The following RIMS4 variants were observed in gnomAD, a reference collection of about 807,000 sequenced individuals.
The protein encoded by RIMS4 is regulating synaptic membrane exocytosis 4.
Under a neutral mutation model 29.0 loss-of-function variants are expected in RIMS4, and 9 were observed. The ratio of observed to expected loss-of-function variants is 0.31; its 90% CI spans 0.19 to 0.54. The LOEUF (loss-of-function observed/expected upper bound fraction) is 0.54, where lower values mean the gene tolerates loss of function less well. Among genes scored for constraint, RIMS4 ranks in the 20% least tolerant of loss-of-function variants. RIMS4 has a pLI of 0.94. For synonymous variants in RIMS4, 130 were observed against 152.9 expected, an observed-to-expected ratio of 0.85 and a Z score of 1.10; for missense variants, 193 against 365.7, an observed-to-expected ratio of 0.53 and a Z score of 3.85.
chr20:44,800,009 A>T (rs1228692328), intron 1 of RIMS4, among the ~76,000 whole-genome samples: 1 of 152,202 alleles, frequency 6.6e-6, no homozygotes, highest in Non-Finnish European at 1.5e-5. Flanking sequence ...TTTTGCGATG[A>T]GGAAACAGGC....
At chr20:44,791,776 G>C (rs1381092765) in intron 1 of RIMS4, among the ~76,000 whole-genome samples, 1 of 152,038 alleles carries the variant, frequency 6.6e-6, no homozygotes, top group African/African-American at 2.4e-5. Flanking sequence ...TGGTGGTAAG[G>C]GGTGGATGTT....
chr20:44,795,105 C>A (rs551501544), intron 1 of RIMS4, among the ~76,000 whole-genome samples: 1 of 152,208 alleles, frequency 6.6e-6, no homozygotes, highest in Admixed American at 6.5e-5. Context: ...GCCTCAGGGC[C>A]CCTGCACAAC....
chr20:44,802,294 T>C (rs1407373028), intron 1 of RIMS4, among the ~76,000 whole-genome samples: 1 of 152,224 alleles, frequency 6.6e-6, no homozygotes, highest in Non-Finnish European at 1.5e-5. Context: ...GTTGTGTGCA[T>C]GATGTCATTT....
chr20:44,779,502 T>C (rs1289121173), intron 1 of RIMS4, among the ~76,000 whole-genome samples: 1 of 152,266 alleles, frequency 6.6e-6, no homozygotes, highest in African/African-American at 2.4e-5. Context: ...CTAGTGTATA[T>C]TCTTTAGCAT....
In RIMS4 at chr20:44,771,358, T is replaced by G. The variant is rs1255121205; in HGVS notation, c.153A>C (p.Ala51=). 7 of 1,613,860 alleles carry G rather than the reference T, an allele frequency of 4.3e-6. No individual in the cohort carries two copies. In the Admixed American group the frequency reaches 8.3e-5, roughly 19 times the overall value. Residue 51 remains alanine (A), a synonymous_variant, in exon 2 of 6, where the codon GCA becomes GCC. Transcript: ENST00000372851. ...GCAGTGTCCGGCTGGGCATCTCCACTGCCAGGCCCGTCTCCGTGCTCCTCT... is the reference window on the plus strand; with the variant it reads ...GCAGTGTCCGGCTGGGCATCTCCACGGCCAGGCCCGTCTCCGTGCTCCTCT... ...AIQRSTETGL[A]VEMPSRTLRQ...
intron 1 of RIMS4, among the ~76,000 whole-genome samples, chr20:44,777,604 G>C (rs1184652891): frequency 6.6e-6 from 1 of 152,200 alleles, no homozygotes; most frequent in Non-Finnish European, 1.5e-5. Context: ...AACCAGGTCT[G>C]TGTGAAAACA....
intron 2 of RIMS4, among the ~76,000 whole-genome samples, chr20:44,767,403 A>G (rs2066118370): frequency 6.6e-6 from 1 of 152,098 alleles, no homozygotes; most frequent in South Asian, 2.1e-4. Context: ...CCAATTTCTG[A>G]TCAGGCAGAA....
chr20:44,778,014 C>T (rs920452868), intron 1 of RIMS4, among the ~76,000 whole-genome samples: 1 of 152,256 alleles, frequency 6.6e-6, no homozygotes, highest in African/African-American at 2.4e-5. Context: ...GCCTCTTCTT[C>T]CTCCATGGTC....
intron 1 of RIMS4, among the ~76,000 whole-genome samples, chr20:44,787,942 T>C (rs974905804): frequency 6.6e-6 from 1 of 152,248 alleles, no homozygotes; most frequent in African/African-American, 2.4e-5. Flanking sequence ...TCGTATCTCA[T>C]TTAAACCTCA....
At chr20:44,761,592 T>A (rs2066085350) in intron 2 of RIMS4, among the ~76,000 whole-genome samples, 1 of 152,182 alleles carries the variant, frequency 6.6e-6, no homozygotes, top group African/African-American at 2.4e-5. Flanking sequence ...GGGCCTGAGC[T>A]CCAGCTGCCC....
intron 1 of RIMS4, among the ~76,000 whole-genome samples, chr20:44,787,267 T>C (rs2066212870): frequency 1.3e-5 from 2 of 152,002 alleles, no homozygotes; most frequent in Non-Finnish European, 2.9e-5. Flanking sequence ...CTGACACACC[T>C]CACACCAAGC....
intron 1 of RIMS4, among the ~76,000 whole-genome samples, chr20:44,809,821 C>T (rs948884058): frequency 2.6e-5 from 4 of 151,960 alleles, no homozygotes; most frequent in African/African-American, 4.8e-5. Context: ...CGGCCAAAGC[C>T]CAGGGCTTGA....
intron 2 of RIMS4, among the ~76,000 whole-genome samples, chr20:44,765,615 G>A (rs2066110052): frequency 6.6e-6 from 1 of 152,226 alleles, no homozygotes; most frequent in Non-Finnish European, 1.5e-5. Context: ...AGGTGGGGAA[G>A]AAAAGGGGGT....
intron 1 of RIMS4, among the ~76,000 whole-genome samples, chr20:44,804,129 T>C (rs889368205): frequency 2.6e-5 from 4 of 152,244 alleles, no homozygotes; most frequent in Non-Finnish European, 5.9e-5. Flanking sequence ...TGCTCTAAGC[T>C]GCCTGGCTTT....
chr20:44,771,328 C>G lies in RIMS4; in HGVS notation c.183G>C (p.Gln61His). 1.2e-6 allele frequency: 2 copies of G among 1,614,060 alleles called. No homozygotes were observed. Among genetic ancestry groups the G allele is most frequent in the Non-Finnish European group, 1.7e-6 (2 of 1,179,936 alleles). Residue 61 changes from glutamine to histidine, a missense_variant, in exon 2 of 6, where the codon CAG becomes CAC. Physicochemically the swap from Gln to His is conservative, Grantham distance 24 (BLOSUM62 0). Coordinates refer to ENST00000372851, the MANE Select transcript of RIMS4 (RefSeq NM_182970.4). ...AVEMPSRTLR[Q>H]ASHESIEDSM... ...TGTCCTCAATGGACTCGTGGCTGGC[C>G]TGGCGCAGTGTCCGGCTGGGCATCT...
At chr20:44,774,069 G>C (rs1601027870) in intron 1 of RIMS4, among the ~76,000 whole-genome samples, 1 of 151,930 alleles carries the variant, frequency 6.6e-6, no homozygotes, top group Non-Finnish European at 1.5e-5. Context: ...ACCACGACTG[G>C]ACCCAACCAC....
chr20:44,777,624 ATACTC>A (rs1447696053), intron 1 of RIMS4, among the ~76,000 whole-genome samples: 1 of 152,202 alleles, frequency 6.6e-6, no homozygotes, highest in African/African-American at 2.4e-5. Flanking sequence ...AGATCATCAT[ATACTC>A]TTAACCACGA....
Position 44,776,398 on chromosome 20 carries a change from C to T in RIMS4, c.98-4985G>A, listed in dbSNP as rs192467033. On this transcript the variant is annotated intron_variant, in intron 1 of 5. Transcript: ENST00000372851. The stretch of plus-strand genomic sequence containing the variant: ...CTCCCCATCAGCTACTGCTCTCCCT[C>T]GCAGTCTCTATATCCTAGCCCAGCC... 1.9e-3 allele frequency among the ~76,000 whole-genome samples: 285 copies of T among 152,346 alleles called. 1 individual carries two copies. Among genetic ancestry groups the T allele is most frequent in the Middle Eastern group, 0.01 (3 of 294 alleles).
In RIMS4 at chr20:44,755,907, G is replaced by A. The variant is rs1357221429; in HGVS notation, c.*227C>T. 1.1e-5 allele frequency: 6 copies of A among 522,376 alleles called. No homozygotes were observed. Among genetic ancestry groups the A allele is most frequent in the African/African-American group, 3.8e-5 (2 of 53,042 alleles). The allele number at this position is 522,376 out of a possible 1,614,324, so 32.4% of individuals were successfully genotyped here. On this transcript the variant is annotated 3_prime_UTR_variant, in exon 6 of 6. Transcript: ENST00000372851. ...AGCCACATCCACCAGGTCAAGAACC[G>A]GCCAAGTCAAAAGTGTAGCCAATCC...
Sources: allele counts gnomAD v4.1 joint callset (sites outside exome capture counted in the v4.1 genomes callset), GRCh38; gene constraint gnomAD v4.1.1; transcripts MANE v1.5; gene names NCBI Gene and HGNC (gene_info 2026-07-23, HGNC 2026-07-21).